Variants in PCSK2 observed in about 807,000 individuals in gnomAD.
The protein encoded by PCSK2 is proprotein convertase subtilisin/kexin type 2.
PCSK2 carries 14 observed loss-of-function variants against 69.7 expected under a neutral mutation model. That is an observed-to-expected ratio of 0.20 (90% CI 0.13 to 0.31). The LOEUF is 0.31. Ranked by LOEUF, PCSK2 falls within the 10% of genes least tolerant of loss-of-function variation. The probability of loss-of-function intolerance (pLI) is 1.00; values close to 1 mark genes in which losing one functional copy is unlikely to be tolerated. For synonymous variants in PCSK2, 307 were observed against 320.7 expected, an observed-to-expected ratio of 0.96 and a Z score of 0.46; for missense variants, 544 against 842.5, an observed-to-expected ratio of 0.65 and a Z score of 4.39.
At chr20:17,417,831 A>G (rs1251099774) in intron 6 of PCSK2, among the ~76,000 whole-genome samples, 1 of 152,220 alleles carries the variant, frequency 6.6e-6, no homozygotes, top group Non-Finnish European at 1.5e-5. Context: ...TATAGAGGCA[A>G]TAAAATTGGT....
chr20:17,283,926 A>G (rs1988417072), intron 2 of PCSK2, among the ~76,000 whole-genome samples: 1 of 152,198 alleles, frequency 6.6e-6, no homozygotes, highest in Non-Finnish European at 1.5e-5. Context: ...AAGCCTGCCA[A>G]ATGACAGTTT....
intron 2 of PCSK2, among the ~76,000 whole-genome samples, chr20:17,268,062 T>TAA (rs1555783175): frequency 3.4e-5 from 5 of 146,744 alleles, no homozygotes; most frequent in East Asian, 2.0e-4. Flanking sequence ...TATATATATA[T>TAA]AATGCATTTA....
In PCSK2 at chr20:17,280,008, C is replaced by T. The variant is rs559727019; in HGVS notation, c.282+19664C>T. 2.7e-5 allele frequency among the ~76,000 whole-genome samples: 4 copies of T among 149,038 alleles called. No homozygotes were observed. In the South Asian group the frequency reaches 8.4e-4, roughly 31 times the overall value. On this transcript the variant is annotated intron_variant, in intron 2 of 11. Coordinates refer to ENST00000262545, the MANE Select transcript of PCSK2 (RefSeq NM_002594.5). ...GTAGAAGACAAAAAAAAAAAACACACTTGTTCCAAATCAAGCTTATATCCT... is the reference window on the plus strand; with the variant it reads ...GTAGAAGACAAAAAAAAAAAACACATTTGTTCCAAATCAAGCTTATATCCT...
chr20:17,482,066 A>T lies in PCSK2; in HGVS notation c.1913A>T (p.Asn638Ile). Residue 638 changes from asparagine (N) to isoleucine (I), a missense_variant, in exon 12 of 12, where the codon AAC (asparagine) becomes ATC (isoleucine). Around this residue, in one of 3 missense-constraint regions of PCSK2, gnomAD observed 200 missense variants for 287.8 expected, o/e 0.69. Coordinates refer to ENST00000262545, the MANE Select transcript of PCSK2 (RefSeq NM_002594.5). ...ERSLKSILNK[N>I] ...AGCCTGAAAAGCATCCTTAACAAGA[A>T]CTAGCGCTGCACATCCGCCTTTCCC... 1 of 1,575,664 alleles carries T rather than the reference A, an allele frequency of 6.3e-7. No homozygotes were observed. The highest frequency in any genetic ancestry group is 2.2e-5 in the East Asian group (1 of 44,494).
chr20:17,330,376 G>A (rs1255792435), intron 2 of PCSK2, among the ~76,000 whole-genome samples: 2 of 152,104 alleles, frequency 1.3e-5, no homozygotes, highest in Non-Finnish European at 2.9e-5. Context: ...GGAGTATTAA[G>A]AGGTCAGGAG....
At chr20:17,401,763 G>A (rs1229958361) in intron 5 of PCSK2, among the ~76,000 whole-genome samples, 5 of 152,146 alleles carry the variant, frequency 3.3e-5, no homozygotes, top group Admixed American at 3.3e-4. Context: ...TATGCTCACA[G>A]GTACTGCTAA....
rs41422245 is a variant in PCSK2 at position 17,440,341 on chromosome 20, C to A, written c.885+3458C>A. On this transcript the variant is annotated intron_variant, in intron 8 of 11. Coordinates refer to ENST00000262545, the MANE Select transcript of PCSK2 (RefSeq NM_002594.5). ...ACGTGATCTTGAGGATCCAAATCAT[C>A]TAACCCTGAGATCCTAAGACCCTAA... 0.012 allele frequency among the ~76,000 whole-genome samples: 1,892 copies of A among 152,330 alleles called. 120 individuals are homozygous for A. The East Asian group carries it at 0.18, about 15-fold the overall frequency.
chr20:17,279,535 G>A (rs984755532), intron 2 of PCSK2, among the ~76,000 whole-genome samples: 1 of 151,580 alleles, frequency 6.6e-6, no homozygotes, highest in African/African-American at 2.4e-5. Flanking sequence ...TGGCCCAGTG[G>A]TGGCTCACGC....
intron 7 of PCSK2, 87 bp downstream of exon 7, chr20:17,429,610 T>A: frequency 1.2e-6 from 1 of 864,388 alleles, no homozygotes; most frequent in African/African-American, 1.7e-5. Flanking sequence ...ATCCCACTGG[T>A]GCAGAAAAGC....
chr20:17,463,469 G>A (rs1404661058), intron 10 of PCSK2: 2 of 151,354 alleles, frequency 1.3e-5, no homozygotes, highest in Non-Finnish European at 2.9e-5. Context: ...CCTCAAATAA[G>A]CATTGACCTT....
intron 6 of PCSK2, among the ~76,000 whole-genome samples, chr20:17,413,770 G>A (rs148706811): frequency 0.013 from 1,995 of 152,148 alleles, 46 homozygotes; most frequent in African/African-American, 0.046. Flanking sequence ...AAAATTGACC[G>A]CATAATTGGA....
chr20:17,454,172 C>T (rs1288979915), intron 9 of PCSK2, among the ~76,000 whole-genome samples: 2 of 152,192 alleles, frequency 1.3e-5, no homozygotes, highest in Admixed American at 6.5e-5. Context: ...TCGGTGAGGA[C>T]TCCTTTCTGG....
intron 2 of PCSK2, among the ~76,000 whole-genome samples, chr20:17,268,060 T>TAA (rs1555783169): frequency 5.5e-5 from 8 of 146,172 alleles, no homozygotes; most frequent in African/African-American, 2.0e-4. Flanking sequence ...TATATATATA[T>TAA]ATAATGCATT....
At chr20:17,277,322 T>C (rs1186096451) in intron 2 of PCSK2, among the ~76,000 whole-genome samples, 2 of 152,030 alleles carry the variant, frequency 1.3e-5, no homozygotes, top group Non-Finnish European at 2.9e-5. Context: ...CAAACTATAC[T>C]ACAAGGCTAC....
At chr20:17,399,679 C>A (rs142486811) in intron 5 of PCSK2, among the ~76,000 whole-genome samples, 1 of 152,084 alleles carries the variant, frequency 6.6e-6, no homozygotes. Flanking sequence ...TCCTGCCGTG[C>A]GATGCCATGT....
intron 5 of PCSK2, among the ~76,000 whole-genome samples, chr20:17,400,281 T>A (rs1391196822): frequency 1.3e-5 from 2 of 152,196 alleles, no homozygotes; most frequent in Non-Finnish European, 2.9e-5. Flanking sequence ...CAGTAGAATA[T>A]GATTAATATA....
intron 7 of PCSK2, among the ~76,000 whole-genome samples, chr20:17,434,846 G>A (rs1324829936): frequency 6.6e-6 from 1 of 152,186 alleles, no homozygotes; most frequent in Non-Finnish European, 1.5e-5. Context: ...CACAGAGTGG[G>A]CGTGACTTTG....
chr20:17,287,633 G>C (rs964613260), intron 2 of PCSK2, among the ~76,000 whole-genome samples: 13 of 152,126 alleles, frequency 8.5e-5, no homozygotes, highest in Admixed American at 2.6e-4. Context: ...ATGGAAGAAG[G>C]TCCTCAATTC....
At chr20:17,439,108 A>G (rs1345441981) in intron 8 of PCSK2, among the ~76,000 whole-genome samples, 1 of 151,258 alleles carries the variant, frequency 6.6e-6, no homozygotes, top group African/African-American at 2.4e-5. Flanking sequence ...GCCTATTACC[A>G]TTGGTTTTTT....
Sources: allele counts gnomAD v4.1 joint callset (sites outside exome capture counted in the v4.1 genomes callset), GRCh38; gene constraint gnomAD v4.1.1; regional missense constraint gnomAD v4.1.1; transcripts MANE v1.5; gene names NCBI Gene and HGNC (gene_info 2026-07-23, HGNC 2026-07-21).